Variants in PHACTR1 observed in about 807,000 individuals in gnomAD.
The protein encoded by PHACTR1 is RPEL repeat containing 1.
Under a neutral mutation model 69.2 loss-of-function variants are expected in PHACTR1, and 16 were observed. The ratio of observed to expected loss-of-function variants is 0.23; its 90% confidence interval spans 0.16 to 0.35. PHACTR1 has a LOEUF of 0.35. PHACTR1 is among the 10% of genes least tolerant of loss of function. The probability of loss-of-function intolerance (pLI) is 1.00; values close to 1 mark genes in which losing one functional copy is unlikely to be tolerated. For synonymous variants in PHACTR1, 312 were observed against 284.5 expected (o/e 1.10, Z -0.97); for missense variants, 510 against 734.7 (o/e 0.69, Z 3.54).
chr6:13,102,257 T>C (rs1302201376), intron 5 of PHACTR1, among the ~76,000 whole-genome samples: 1 of 152,188 alleles, frequency 6.6e-6, no homozygotes. Flanking sequence ...TACAATCAAG[T>C]TTCAGACTAA....
Position 12,845,439 on chromosome 6 carries a change from C to G in PHACTR1, c.250+95649C>G, listed in dbSNP as rs28588468. 7.6e-3 allele frequency among the ~76,000 whole-genome samples: 556 copies of G among 73,244 alleles called. 114 individuals carry two copies. Among genetic ancestry groups the G allele is most frequent in the South Asian group, 0.032 (37 of 1,172 alleles). The allele number at this position is 73,244 out of a possible 152,430, so 48.1% of individuals were successfully genotyped here. Reference sequence around the variant, plus strand: ...TTGTGAACACCACCCACCCCCCCCCCCCCCGCCCTCCGTGCTGGGCAGTCT... The same window carrying G: ...TTGTGAACACCACCCACCCCCCCCCGCCCCGCCCTCCGTGCTGGGCAGTCT... On this transcript the variant is annotated intron_variant, in intron 4 of 14. Transcript: ENST00000332995.
chr6:13,162,255 A>G (rs1455238141), intron 6 of PHACTR1, among the ~76,000 whole-genome samples: 1 of 149,176 alleles, frequency 6.7e-6, no homozygotes, highest in African/African-American at 2.5e-5. Context: ...GCGCACCACC[A>G]TGCACGGCTA....
At chr6:12,803,688 T>G (rs1446119816) in intron 4 of PHACTR1, among the ~76,000 whole-genome samples, 2 of 152,222 alleles carry the variant, frequency 1.3e-5, no homozygotes, top group Admixed American at 1.3e-4. Context: ...GTTTCTCAAC[T>G]TTGGCACTAT....
At chr6:12,788,327 G>T (rs1392758591) in intron 4 of PHACTR1, among the ~76,000 whole-genome samples, 1 of 152,070 alleles carries the variant, frequency 6.6e-6, no homozygotes, top group African/African-American at 2.4e-5. Flanking sequence ...AAAATCTAGA[G>T]GCCATGGTCA....
At chr6:13,272,705 G>A in intron 10 of PHACTR1, 155 bp from the exon 11 acceptor site, 1 of 1,576,314 alleles carries the variant, frequency 6.3e-7, no homozygotes, top group East Asian at 2.3e-5. Flanking sequence ...GAGGAACTGA[G>A]GAGGCGGTGG....
At chr6:13,058,117 T>G (rs1013215278) in intron 5 of PHACTR1, among the ~76,000 whole-genome samples, 1 of 152,192 alleles carries the variant, frequency 6.6e-6, no homozygotes, top group African/African-American at 2.4e-5. Context: ...TGCAATGGGA[T>G]CCACAATGCA....
chr6:13,131,194 T>C (rs55993732), intron 5 of PHACTR1, among the ~76,000 whole-genome samples: 7,036 of 29,014 alleles, frequency 0.24, 408 homozygotes, highest in East Asian at 0.43. Context: ...CACACACACA[T>C]ATATATATAC....
chr6:13,112,473 C>T (rs1414800972), intron 5 of PHACTR1, among the ~76,000 whole-genome samples: 1 of 152,148 alleles, frequency 6.6e-6, no homozygotes, highest in Non-Finnish European at 1.5e-5. Context: ...AATGGTTGAA[C>T]TATTAAATAA....
At chr6:12,721,211 C>T (rs1018999695) in intron 3 of PHACTR1, among the ~76,000 whole-genome samples, 2 of 152,102 alleles carry the variant, frequency 1.3e-5, no homozygotes, top group African/African-American at 4.8e-5. Flanking sequence ...CATGGTGAAA[C>T]CCTGTCTCTA....
At chr6:12,975,431 C>A (rs1794753038) in intron 4 of PHACTR1, among the ~76,000 whole-genome samples, 1 of 152,158 alleles carries the variant, frequency 6.6e-6, no homozygotes, top group African/African-American at 2.4e-5. Context: ...CTGCAAAAAT[C>A]TGCAATGAAT....
chr6:12,946,194 A>T (rs1790652379), intron 4 of PHACTR1, among the ~76,000 whole-genome samples: 1 of 152,030 alleles, frequency 6.6e-6, no homozygotes, highest in Non-Finnish European at 1.5e-5. Context: ...GTAGGGAAAG[A>T]TGAAAAGTGT....
At chr6:13,158,533 G>A (rs534481697) in intron 5 of PHACTR1, among the ~76,000 whole-genome samples, 4 of 152,144 alleles carry the variant, frequency 2.6e-5, no homozygotes, top group Admixed American at 6.5e-5. Flanking sequence ...TTAATTCATT[G>A]TAATTTCAGA....
chr6:12,864,669 G>T (rs1389484603), intron 4 of PHACTR1, among the ~76,000 whole-genome samples: 1 of 130,938 alleles, frequency 7.6e-6, no homozygotes, highest in East Asian at 2.3e-4. Flanking sequence ...AACAGAGTGA[G>T]ACTCTGTCTC....
At chr6:12,944,777 A>ATTTATTTTT (rs1554172498) in intron 4 of PHACTR1, among the ~76,000 whole-genome samples, 6 of 135,834 alleles carry the variant, frequency 4.4e-5, no homozygotes, top group African/African-American at 1.7e-4. Context: ...TTATTTATTT[A>ATTTATTTTT]TTTTTATTTA....
At chr6:13,171,594 T>G (rs182350625) in intron 6 of PHACTR1, among the ~76,000 whole-genome samples, 19 of 152,358 alleles carry the variant, frequency 1.2e-4, no homozygotes, top group Admixed American at 3.3e-4. Flanking sequence ...GGTGGAGCAC[T>G]TAAAATGTGG....
intron 4 of PHACTR1, among the ~76,000 whole-genome samples, chr6:12,904,217 AT>A (rs1472254692): frequency 3.3e-5 from 5 of 152,172 alleles, no homozygotes; most frequent in Admixed American, 3.3e-4. Context: ...TTCTTTTAGC[AT>A]TTCCTTTTGT....
intron 4 of PHACTR1, among the ~76,000 whole-genome samples, chr6:12,847,478 A>G (rs1344277582): frequency 6.6e-6 from 1 of 152,170 alleles, no homozygotes; most frequent in Non-Finnish European, 1.5e-5. Flanking sequence ...CTCAATACTT[A>G]CTGAGAATCT....
intron 4 of PHACTR1, among the ~76,000 whole-genome samples, chr6:12,773,903 G>T (rs370101856): frequency 1.3e-5 from 2 of 151,880 alleles, no homozygotes; most frequent in African/African-American, 2.4e-5. Context: ...GGATTGATTG[G>T]TTCATCAATT....
intron 10 of PHACTR1, among the ~76,000 whole-genome samples, chr6:13,242,416 C>G (rs1772987220): frequency 6.6e-6 from 1 of 152,182 alleles, no homozygotes; most frequent in Non-Finnish European, 1.5e-5. Flanking sequence ...GATTCTTGCA[C>G]TTGTGTAAAG....
Sources: allele counts gnomAD v4.1 joint callset (sites outside exome capture counted in the v4.1 genomes callset), GRCh38; gene constraint gnomAD v4.1.1; transcripts MANE v1.5; gene names NCBI Gene and HGNC (gene_info 2026-07-23, HGNC 2026-07-21).